ADAMTS8: variants seen among roughly 807,000 people sequenced by gnomAD.
The protein encoded by ADAMTS8 is ADAM metallopeptidase with thrombospondin type 1 motif 8, also known as A disintegrin and metalloproteinase with thrombospondin motifs 8.
ADAMTS8 carries 50 observed loss-of-function variants against 64.4 expected under a neutral mutation model. The observed-to-expected ratio is 0.78, with a 90% confidence interval of 0.62 to 0.98. The LOEUF (loss-of-function observed/expected upper bound fraction) is 0.98, where lower values mean the gene tolerates loss of function less well. ADAMTS8 is among the 50% of genes least tolerant of loss of function. The pLI is 0.00. For missense variants in ADAMTS8, 1,192 were observed against 1,208.2 expected (o/e 0.99, Z 0.20); for synonymous variants, 556 against 533.6 (o/e 1.04, Z -0.58).
Position 130,427,732 on chromosome 11 carries a change from G to C in ADAMTS8, c.555C>G (p.Asp185Glu). ...QRQERGDHQEDSEEESQEEEA... is the reference protein window; with the variant it reads ...QRQERGDHQEESEEESQEEEA... ...CCTCTTCTTGGCTCTCCTCCTCGCT[G>C]TCCTCCTGGTGGTCTCCTCTCTCCT... Residue 185 changes from aspartate (D) to glutamate (E), a missense_variant, in exon 1 of 9, where the codon GAC becomes GAG. This residue lies in a region of ADAMTS8 where 741 missense variants were observed against 710.6 expected (regional missense o/e 1.04). Coordinates refer to ENST00000257359, the MANE Select transcript of ADAMTS8 (RefSeq NM_007037.6). 6.3e-7 allele frequency: 1 copy of C among 1,595,614 alleles called. No homozygotes were observed. Among genetic ancestry groups the C allele is most frequent in the Non-Finnish European group, 8.5e-7 (1 of 1,172,088 alleles).
chr11:130,410,572 T>C (rs1171938087), intron 6 of ADAMTS8, among the ~76,000 whole-genome samples: 3 of 152,138 alleles, frequency 2.0e-5, no homozygotes, highest in African/African-American at 7.2e-5. Flanking sequence ...GCCTACAGAT[T>C]CTCCTGAGAC....
At chr11:130,407,243 C>T (rs1481478292) in intron 8 of ADAMTS8, among the ~76,000 whole-genome samples, 2 of 152,158 alleles carry the variant, frequency 1.3e-5, no homozygotes, top group Admixed American at 1.3e-4. Context: ...TGGTGCATGC[C>T]TGTAATCCCA....
intron 8 of ADAMTS8, among the ~76,000 whole-genome samples, chr11:130,406,733 G>A (rs957619879): frequency 5.9e-5 from 9 of 152,222 alleles, no homozygotes; most frequent in African/African-American, 1.9e-4. Flanking sequence ...GGAGTGCCCA[G>A]GCACCATGAG....
intron 1 of ADAMTS8, 127 bp from the exon 2 acceptor site, chr11:130,419,419 T>C: frequency 7.6e-7 from 1 of 1,323,802 alleles, no homozygotes; most frequent in East Asian, 2.4e-5. Context: ...AGCCTCACAA[T>C]ACCCCCGAGG....
intron 5 of ADAMTS8, among the ~76,000 whole-genome samples, 192 bp downstream of exon 5, chr11:130,414,339 G>C (rs138555154): frequency 6.6e-6 from 1 of 151,874 alleles, no homozygotes; most frequent in Non-Finnish European, 1.5e-5. Context: ...GCCCAGGCTG[G>C]TCTCGGTGCA....
Position 130,416,126 on chromosome 11 carries a change from C to T in ADAMTS8, c.1264+37G>A. The stretch of plus-strand genomic sequence containing the variant: ...TGCGCCAGCACCAGTGGAAGGAGGC[C>T]CACGGGGACAAGTAGGGCGGGGCCG... On this transcript the variant is annotated intron_variant, in intron 4 of 8. Coordinates refer to ENST00000257359, the MANE Select transcript of ADAMTS8 (RefSeq NM_007037.6). This position sits in a 1 kb window ranked among gnomAD's most constrained non-coding sequence, Gnocchi z 4.8. 1 of 1,527,332 alleles carries T rather than the reference C, an allele frequency of 6.5e-7. No individual in the cohort carries two copies. 94.6% of individuals were successfully genotyped at this position (1,527,332 alleles called of 1,614,324 possible). A position where few individuals can be genotyped will look rare whatever the true frequency, so the allele number is the denominator to read the frequency against.
intron 1 of ADAMTS8, among the ~76,000 whole-genome samples, chr11:130,421,956 A>G (rs2134689372): frequency 6.6e-6 from 1 of 152,368 alleles, no homozygotes; most frequent in Non-Finnish European, 1.5e-5. Flanking sequence ...TGAGGAGCAG[A>G]GGCATCAGCA....
intron 1 of ADAMTS8, among the ~76,000 whole-genome samples, chr11:130,423,886 CTCTG>C (rs1309356886): frequency 6.6e-6 from 1 of 152,202 alleles, no homozygotes; most frequent in East Asian, 1.9e-4. Flanking sequence ...AGAAAGGCCC[CTCTG>C]TCTGAGCTCC....
chr11:130,422,507 G>T (rs1862113752), intron 1 of ADAMTS8, among the ~76,000 whole-genome samples: 1 of 152,138 alleles, frequency 6.6e-6, no homozygotes, highest in Admixed American at 6.5e-5. Context: ...CGCCTGGGGG[G>T]AGGTCAGGTG....
Position 130,408,657 on chromosome 11 carries a change from A to G in ADAMTS8, c.1924-18T>C. 6.2e-7 allele frequency: 1 copy of G among 1,613,454 alleles called. No individual in the cohort carries two copies. The highest frequency in any genetic ancestry group is 8.5e-7 in the Non-Finnish European group (1 of 1,179,544). ...TCAATCACCTGCAACGGGGAAAGGG[A>G]AGGTGAGGGAGGGCGTGTTGAGCAC... On this transcript the variant is annotated intron_variant, in intron 7 of 8. Coordinates refer to ENST00000257359, the MANE Select transcript of ADAMTS8 (RefSeq NM_007037.6).
Position 130,405,484 on chromosome 11 carries a change from C to T in ADAMTS8, c.*74G>A. On this transcript the variant is annotated 3_prime_UTR_variant, in exon 9 of 9. Coordinates refer to ENST00000257359, the MANE Select transcript of ADAMTS8 (RefSeq NM_007037.6). ...TTGATATGGCCAAGGGACCCAGTCA[C>T]CACAGTGGAGACCCTTGTCTGCACC... The T allele has an allele frequency of 1.3e-6, 2 of 1,515,612 alleles. No individual in the cohort carries two copies. The highest frequency in any genetic ancestry group is 1.8e-6 in the Non-Finnish European group (2 of 1,137,408). The allele number at this position is 1,515,612 out of a possible 1,614,324, so 93.9% of individuals were successfully genotyped here.
rs1301589495 is a variant in ADAMTS8, at chr11:130,428,384, GA to G, written c.-99del. Reference sequence around the variant, plus strand: ...AGCGCGGCCCGGCCGCTCTCTCCAGGAAAAGCGGAATCAATCGGGTGCAAGG... The same window carrying G: ...AGCGCGGCCCGGCCGCTCTCTCCAGGAAAGCGGAATCAATCGGGTGCAAGG... On this transcript the variant is annotated 5_prime_UTR_variant, in exon 1 of 9. Coordinates refer to ENST00000257359, the MANE Select transcript of ADAMTS8 (RefSeq NM_007037.6). 10 of 1,187,344 alleles carry G rather than the reference GA, an allele frequency of 8.4e-6. No individual in the cohort carries two copies. The highest frequency in any genetic ancestry group is 4.0e-5 in the South Asian group (2 of 50,106). The allele number at this position is 1,187,344 out of a possible 1,614,324, so 73.6% of individuals were successfully genotyped here.
chr11:130,425,283 G>C (rs1862149214), intron 1 of ADAMTS8, among the ~76,000 whole-genome samples: 1 of 152,114 alleles, frequency 6.6e-6, no homozygotes, highest in Non-Finnish European at 1.5e-5. Context: ...CAGCAGCCCG[G>C]GCATCCTGGG....
chr11:130,413,125 C>T (rs1012152309), intron 5 of ADAMTS8, among the ~76,000 whole-genome samples: 5 of 152,214 alleles, frequency 3.3e-5, no homozygotes, highest in Non-Finnish European at 7.3e-5. Context: ...CCCGCCTCGG[C>T]CTCCCAAAGT....
intron 1 of ADAMTS8, among the ~76,000 whole-genome samples, chr11:130,424,396 G>A (rs73044811): frequency 0.049 from 7,470 of 152,240 alleles, 232 homozygotes; most frequent in South Asian, 0.11. Flanking sequence ...AATTGAACAC[G>A]CTCAGAGAGT....
intron 1 of ADAMTS8, among the ~76,000 whole-genome samples, chr11:130,427,046 T>C (rs1368510159): frequency 4.6e-5 from 7 of 152,248 alleles, no homozygotes; most frequent in African/African-American, 1.7e-4. Flanking sequence ...TCAGCTCCTT[T>C]CAAACAATGT....
Position 130,416,350 on chromosome 11 carries a change from C to A in ADAMTS8, c.1097-20G>T. 6.5e-7 allele frequency: 1 copy of A among 1,538,868 alleles called. No individual in the cohort carries two copies. Among genetic ancestry groups the A allele is most frequent in the South Asian group, 1.2e-5 (1 of 83,140 alleles). On this transcript the variant is annotated intron_variant, in intron 3 of 8. Coordinates refer to ENST00000257359, the MANE Select transcript of ADAMTS8 (RefSeq NM_007037.6). This position sits in a 1 kb window ranked among gnomAD's most constrained non-coding sequence, Gnocchi z 4.8. Reference sequence around the variant, plus strand: ...CGTGCCCTGGGGAGAGAGGCCTGGTCCACTCCGCCCTGTCCTGCCTGAGGG... The same window carrying A: ...CGTGCCCTGGGGAGAGAGGCCTGGTACACTCCGCCCTGTCCTGCCTGAGGG...
intron 6 of ADAMTS8, among the ~76,000 whole-genome samples, chr11:130,409,661 C>T (rs1003293823): frequency 9.2e-5 from 14 of 152,258 alleles, no homozygotes; most frequent in African/African-American, 2.9e-4. Flanking sequence ...ACTCTCACCA[C>T]CACAAGCCCA....
chr11:130,416,907 T>C lies in ADAMTS8; in HGVS notation c.1096+33A>G. ...TCTGGAAGAGCAGTTCCCTCCGATG[T>C]GGTGAAGTGGGCTTTGGCACAGCAA... On this transcript the variant is annotated intron_variant, in intron 3 of 8. Coordinates refer to ENST00000257359, the MANE Select transcript of ADAMTS8 (RefSeq NM_007037.6). The surrounding 1 kb of genome is among the most constrained non-coding windows in gnomAD (Gnocchi z 4.8). 1.2e-6 allele frequency: 2 copies of C among 1,613,788 alleles called. No individual in the cohort carries two copies. Among genetic ancestry groups the C allele is most frequent in the Non-Finnish European group, 1.7e-6 (2 of 1,179,806 alleles).
Sources: gnomAD v4.1 joint callset for allele counts (sites outside exome capture counted in the v4.1 genomes callset) on GRCh38, gnomAD v4.1.1 for gene constraint, gnomAD v4.1.1 regional missense constraint, Gnocchi (gnomAD v3.1) non-coding constraint, MANE v1.5 for transcripts, NCBI Gene and HGNC (gene_info 2026-07-23, HGNC 2026-07-21) for gene names.